EHHADH: variants seen among roughly 807,000 people sequenced by gnomAD.
EHHADH encodes the protein enoyl-CoA hydratase and 3-hydroxyacyl CoA dehydrogenase.
Under a neutral mutation model 64.4 loss-of-function variants are expected in EHHADH, and 48 were observed. That is an observed-to-expected ratio of 0.75 (90% confidence interval 0.59 to 0.95). EHHADH has a LOEUF of 0.95. Ranked by LOEUF, EHHADH falls within the 40% of genes least tolerant of loss-of-function variation. The pLI is 0.00. For missense variants in EHHADH, 854 were observed against 876.6 expected (o/e 0.97, Z 0.33); for synonymous variants, 308 against 326.7 (o/e 0.94, Z 0.62).
Position 185,193,141 on chromosome 3 carries a change from A to G in EHHADH, c.1257T>C (p.Ala419=). The change falls in exon 7 of 7, where the codon GCT becomes GCC. Residue 419 remains alanine, a synonymous_variant. Coordinates refer to ENST00000231887, the MANE Select transcript of EHHADH (RefSeq NM_001966.4). The part of the protein sequence containing the change: ...NTSALDVDEI[A]SSTDRPHLVI... The stretch of plus-strand genomic sequence containing the variant: ...CCAAGTGAGGACGATCAGTGGAAGA[A>G]GCAATCTCATCAACATCCAGGGCTG... 6.2e-7 allele frequency: 1 copy of G among 1,613,298 alleles called. No individual in the cohort carries two copies. The highest frequency in any genetic ancestry group is 8.5e-7 in the Non-Finnish European group (1 of 1,179,672).
At chr3:185,252,303 G>A (rs1009044362) in intron 1 of EHHADH, among the ~76,000 whole-genome samples, 2 of 152,108 alleles carry the variant, frequency 1.3e-5, no homozygotes, top group African/African-American at 2.4e-5. Flanking sequence ...GGGAGGCTGA[G>A]GCAGGGGAAT....
intron 4 of EHHADH, 67 bp downstream of exon 4, chr3:185,229,365 A>T: frequency 9.2e-7 from 1 of 1,083,418 alleles, no homozygotes. Context: ...TCAAGCCAGA[A>T]TTTTTCTAAA....
At chr3:185,248,115 A>G in intron 2 of EHHADH, 1 of 256,742 alleles carries the variant, frequency 3.9e-6, no homozygotes, top group East Asian at 7.7e-5. Flanking sequence ...GATTTGCCCA[A>G]GCCCACATAT....
At chr3:185,233,647 T>G (rs573923328) in intron 3 of EHHADH, among the ~76,000 whole-genome samples, 25 of 152,270 alleles carry the variant, frequency 1.6e-4, no homozygotes, top group African/African-American at 6.0e-4. Context: ...TGTGGTTTTT[T>G]TTGTTGTTGT....
chr3:185,242,420 C>T (rs544795729), intron 2 of EHHADH, among the ~76,000 whole-genome samples: 5 of 152,288 alleles, frequency 3.3e-5, no homozygotes, highest in African/African-American at 4.8e-5. Flanking sequence ...TCAAACTATA[C>T]TATAAGGCCA....
intron 5 of EHHADH, among the ~76,000 whole-genome samples, chr3:185,209,174 A>G (rs1169821871): frequency 6.6e-6 from 1 of 152,356 alleles, no homozygotes; most frequent in Admixed American, 6.5e-5. Context: ...TGAATTTATC[A>G]AGAAAGGTAC....
chr3:185,246,213 T>G (rs543944480), intron 2 of EHHADH: 1 of 951,314 alleles, frequency 1.1e-6, no homozygotes, highest in Non-Finnish European at 1.7e-6. Flanking sequence ...CTTTTTCTTT[T>G]GATTAAAGAA....
chr3:185,209,414 T>A (rs1444301223), intron 5 of EHHADH, among the ~76,000 whole-genome samples: 1 of 152,174 alleles, frequency 6.6e-6, no homozygotes, highest in Non-Finnish European at 1.5e-5. Context: ...TCATAACAAC[T>A]TACAGTTACC....
At chr3:185,233,640 G>A (rs1719199495) in intron 3 of EHHADH, among the ~76,000 whole-genome samples, 1 of 152,028 alleles carries the variant, frequency 6.6e-6, no homozygotes, top group South Asian at 2.1e-4. Context: ...GCCCAAATGT[G>A]GTTTTTTTTG....
chr3:185,213,645 A>G (rs1252324640), intron 5 of EHHADH, among the ~76,000 whole-genome samples: 2 of 151,982 alleles, frequency 1.3e-5, no homozygotes, highest in Non-Finnish European at 2.9e-5. Flanking sequence ...TTTGGGAGGT[A>G]GAGGCGGGTG....
At chr3:185,233,881 T>C (rs1285369108) in intron 3 of EHHADH, among the ~76,000 whole-genome samples, 1 of 152,178 alleles carries the variant, frequency 6.6e-6, no homozygotes, top group Non-Finnish European at 1.5e-5. Flanking sequence ...CCTGACTTTG[T>C]GATCTGCCTG....
chr3:185,201,782 A>C (rs562549618), intron 6 of EHHADH, among the ~76,000 whole-genome samples: 47 of 152,368 alleles, frequency 3.1e-4, no homozygotes, highest in Middle Eastern at 6.8e-3. Flanking sequence ...TATATGCCAG[A>C]AACAAACCTG....
intron 1 of EHHADH, among the ~76,000 whole-genome samples, chr3:185,251,410 G>A (rs1397948828): frequency 2.0e-5 from 3 of 152,148 alleles, no homozygotes; most frequent in African/African-American, 4.8e-5. Context: ...GAATTGCTAC[G>A]TAAAAACGTG....
chr3:185,201,635 T>C (rs1387105476), intron 6 of EHHADH, among the ~76,000 whole-genome samples: 1 of 152,182 alleles, frequency 6.6e-6, no homozygotes, highest in African/African-American at 2.4e-5. Context: ...GCAATACACA[T>C]GAAGAGGGCA....
chr3:185,246,095 C>A, intron 2 of EHHADH: 1 of 1,283,832 alleles, frequency 7.8e-7, no homozygotes, highest in South Asian at 1.2e-5. Context: ...AGCATAATGT[C>A]AAGGTCATCC....
intron 3 of EHHADH, among the ~76,000 whole-genome samples, chr3:185,234,998 A>G (rs1408428889): frequency 6.6e-6 from 1 of 152,104 alleles, no homozygotes; most frequent in Admixed American, 6.5e-5. Flanking sequence ...CCTGGCCAAC[A>G]TGGTGAAACC....
intron 1 of EHHADH, 67 bp from the exon 2 acceptor site, chr3:185,248,584 C>T (rs1719660145): frequency 1.6e-6 from 2 of 1,235,628 alleles, no homozygotes; most frequent in African/African-American, 1.5e-5. Context: ...AGAGTGTTTT[C>T]CTTTCCTAAA....
intron 5 of EHHADH, among the ~76,000 whole-genome samples, chr3:185,209,934 A>AGTT (rs1718493763): frequency 6.6e-6 from 1 of 152,238 alleles, no homozygotes; most frequent in Admixed American, 6.5e-5. Flanking sequence ...TTACCCAAAG[A>AGTT]GTTAGCCCAA....
chr3:185,213,895 GA>G (rs1471957767), intron 5 of EHHADH, among the ~76,000 whole-genome samples: 1 of 143,266 alleles, frequency 7.0e-6, no homozygotes, highest in Non-Finnish European at 1.5e-5. Flanking sequence ...AAAAAAAAAA[GA>G]AAAAAAGAAA....
Sources: gnomAD v4.1 joint callset for allele counts (sites outside exome capture counted in the v4.1 genomes callset) on GRCh38, gnomAD v4.1.1 for gene constraint, MANE v1.5 for transcripts, NCBI Gene and HGNC (gene_info 2026-07-23, HGNC 2026-07-21) for gene names.